Variants in MMP26 observed in about 807,000 individuals in gnomAD.
MMP26 encodes the protein matrix metalloproteinase-26.
Under a neutral mutation model 31.0 loss-of-function variants are expected in MMP26, and 33 were observed. That is an observed-to-expected ratio of 1.06 (90% CI 0.81 to 1.42). MMP26 has a LOEUF of 1.42. MMP26 is among the 40% of genes most tolerant of loss of function. MMP26 has a pLI of 0.00. For synonymous variants in MMP26, 122 were observed against 114.9 expected (o/e 1.06, Z -0.40); for missense variants, 347 against 316.1 (o/e 1.10, Z -0.74).
intron 2 of MMP26, among the ~76,000 whole-genome samples, chr11:4,790,110 C>T (rs545943846): frequency 4.6e-4 from 70 of 152,018 alleles, no homozygotes; most frequent in Middle Eastern, 3.4e-3. Context: ...GGGAGGCCAA[C>T]GCAGGCCGAT....
chr11:4,966,175 C>A (rs1403764713), intron 2 of MMP26, among the ~76,000 whole-genome samples: 3 of 152,100 alleles, frequency 2.0e-5, no homozygotes, highest in Non-Finnish European at 4.4e-5. Context: ...GGGGTGACTA[C>A]TACAGTGTGC....
intron 2 of MMP26, chr11:4,859,733 C>A (rs554510591): frequency 1.8e-4 from 84 of 471,128 alleles, no homozygotes; most frequent in South Asian, 1.3e-3. Context: ...TCAGCCATGA[C>A]CATGTGCACT....
chr11:4,920,177 A>G (rs1022147619), intron 2 of MMP26, among the ~76,000 whole-genome samples: 1 of 152,104 alleles, frequency 6.6e-6, no homozygotes, highest in African/African-American at 2.4e-5. Context: ...CCTTTTTATA[A>G]GTGCTCTTTG....
chr11:4,933,527 G>GTT (rs71050439), intron 2 of MMP26, among the ~76,000 whole-genome samples: 12 of 146,334 alleles, frequency 8.2e-5, no homozygotes, highest in African/African-American at 3.0e-4. Context: ...TATTTTTTTT[G>GTT]TTTTTTTTTT....
chr11:4,868,833 G>A (rs1002774116), intron 2 of MMP26, among the ~76,000 whole-genome samples: 1 of 152,204 alleles, frequency 6.6e-6, no homozygotes, highest in Non-Finnish European at 1.5e-5. Flanking sequence ...GAAGGCTACA[G>A]TAACCAGAAG....
chr11:4,881,357 CAGTT>C (rs1157028432), intron 2 of MMP26, among the ~76,000 whole-genome samples: 2 of 152,114 alleles, frequency 1.3e-5, no homozygotes, highest in East Asian at 3.9e-4. Context: ...TCTCATCGCT[CAGTT>C]ACTTTTGCAC....
chr11:4,852,277 T>A (rs1408947969), intron 2 of MMP26, among the ~76,000 whole-genome samples: 1 of 151,962 alleles, frequency 6.6e-6, no homozygotes, highest in East Asian at 1.9e-4. Context: ...TATCCCAAAC[T>A]CAATAATTGA....
At chr11:4,709,808 G>C (rs78215963) in intron 1 of MMP26, 28 of 457,348 alleles carry the variant, frequency 6.1e-5, no homozygotes, top group Middle Eastern at 6.4e-4. Flanking sequence ...TTTCTACATT[G>C]ACCACCATGC....
chr11:4,806,432 A>T (rs1172846542), intron 2 of MMP26, among the ~76,000 whole-genome samples: 1 of 151,908 alleles, frequency 6.6e-6, no homozygotes. Flanking sequence ...TATATTTAGG[A>T]TAGTTAGCTC....
intron 4 of MMP26, 145 bp downstream of exon 4, chr11:4,990,013 A>G (rs1846974059): frequency 3.2e-6 from 2 of 634,348 alleles, no homozygotes; most frequent in East Asian, 2.7e-5. Flanking sequence ...CAGAGAAGGT[A>G]ATACTACCAG....
chr11:4,864,677 C>G (rs1165118483), intron 2 of MMP26, among the ~76,000 whole-genome samples: 1 of 152,044 alleles, frequency 6.6e-6, no homozygotes, highest in Non-Finnish European at 1.5e-5. Context: ...GTCTGAAATA[C>G]TGTTGGGGAT....
intron 2 of MMP26, chr11:4,908,508 T>A: frequency 1.7e-6 from 1 of 593,544 alleles, no homozygotes; most frequent in Non-Finnish European, 3.0e-6. Context: ...GATATAGAGG[T>A]TTAATTAACA....
intron 2 of MMP26, among the ~76,000 whole-genome samples, chr11:4,854,639 G>A (rs761492277): frequency 6.6e-6 from 1 of 152,230 alleles, no homozygotes; most frequent in East Asian, 1.9e-4. Flanking sequence ...TCTGGGGGCA[G>A]GTCATAGCTG....
intron 1 of MMP26, among the ~76,000 whole-genome samples, chr11:4,766,261 A>C (rs1425040284): frequency 6.6e-6 from 1 of 152,212 alleles, no homozygotes; most frequent in Admixed American, 6.5e-5. Context: ...TGGTGAGAAC[A>C]AGAGATGGAG....
chr11:4,950,626 T>A lies in MMP26; in HGVS notation c.-144-37442T>A, dbSNP rs184259569. ...ACAGCATGCTGAATATAGCTAATAT[T>A]TGAGTCCTCTGTATTTCAATATTTC... On this transcript the variant is annotated intron_variant, in intron 2 of 7. Transcript: ENST00000380390. Among the ~76,000 whole-genome samples the A allele has an allele frequency of 3.3e-5, 4 of 122,346 alleles. 1 individual carries two copies. The allele number at this position is 122,346 out of a possible 152,430, so 80.3% of individuals were successfully genotyped here. A position where few individuals can be genotyped will look rare whatever the true frequency, so the allele number is the denominator to read the frequency against.
At chr11:4,755,065 C>T (rs1319473753) in intron 1 of MMP26, among the ~76,000 whole-genome samples, 6 of 152,014 alleles carry the variant, frequency 3.9e-5, no homozygotes, top group Middle Eastern at 3.4e-3. Context: ...CACCTTTCAT[C>T]GGTTGATCAC....
intron 2 of MMP26, among the ~76,000 whole-genome samples, chr11:4,960,007 A>T (rs115354459): frequency 0.011 from 1,683 of 151,878 alleles, 27 homozygotes; most frequent in African/African-American, 0.039. Context: ...AGTTTTTGAA[A>T]TTTTTTCACT....
intron 1 of MMP26, chr11:4,711,993 C>G (rs1332250167): frequency 1.3e-5 from 2 of 152,018 alleles, no homozygotes; most frequent in African/African-American, 4.8e-5. Flanking sequence ...CTTTGTCTTA[C>G]AGGGAGTCAG....
intron 2 of MMP26, among the ~76,000 whole-genome samples, chr11:4,967,647 A>G (rs575157164): frequency 9.2e-5 from 14 of 152,152 alleles, no homozygotes; most frequent in Non-Finnish European, 2.1e-4. Context: ...TCATAAAGTC[A>G]ACCTTGCTTC....
Sources: gnomAD v4.1 joint callset for allele counts (sites outside exome capture counted in the v4.1 genomes callset) on GRCh38, gnomAD v4.1.1 for gene constraint, MANE v1.5 for transcripts, NCBI Gene and HGNC (gene_info 2026-07-23, HGNC 2026-07-21) for gene names.